Variants in CDK14 observed in about 807,000 individuals in gnomAD.
The protein encoded by CDK14 is cyclin-dependent kinase 14.
CDK14 carries 34 observed loss-of-function variants against 60.7 expected under a neutral mutation model. That is an observed-to-expected ratio of 0.56 (90% CI 0.43 to 0.75). CDK14 has a LOEUF of 0.75. Ranked by LOEUF, CDK14 falls within the 30% of genes least tolerant of loss-of-function variation. The probability of loss-of-function intolerance (pLI) is 0.00; values close to 1 mark genes in which losing one functional copy is unlikely to be tolerated. For synonymous variants in CDK14, 197 were observed against 203.7 expected, an observed-to-expected ratio of 0.97 and a Z score of 0.28; for missense variants, 482 against 564.1, an observed-to-expected ratio of 0.85 and a Z score of 1.47.
chr7:90,733,622 C>T (rs73222521), intron 3 of CDK14, among the ~76,000 whole-genome samples: 11,023 of 151,744 alleles, frequency 0.073, 509 homozygotes, highest in South Asian at 0.11. Flanking sequence ...CCTGTTTTAT[C>T]GAGTGCAACC....
At chr7:91,059,940 G>C (rs1294289355) in intron 11 of CDK14, among the ~76,000 whole-genome samples, 1 of 152,212 alleles carries the variant, frequency 6.6e-6, no homozygotes, top group Non-Finnish European at 1.5e-5. Context: ...GCAGAGCTGA[G>C]TTCAATTCCT....
At chr7:90,675,940 A>T (rs989746279) in intron 2 of CDK14, among the ~76,000 whole-genome samples, 6 of 152,222 alleles carry the variant, frequency 3.9e-5, no homozygotes, top group Admixed American at 3.9e-4. Flanking sequence ...AGAGGAGGGG[A>T]TGGCAAAGAG....
At chr7:90,716,046 C>T (rs1010832461) in intron 2 of CDK14, among the ~76,000 whole-genome samples, 3 of 151,952 alleles carry the variant, frequency 2.0e-5, no homozygotes, top group Admixed American at 6.6e-5. Flanking sequence ...TCCATGATGG[C>T]ATTTTAACCA....
chr7:90,650,915 G>T (rs17867005), intron 2 of CDK14, among the ~76,000 whole-genome samples: 13,977 of 152,112 alleles, frequency 0.092, 814 homozygotes, highest in South Asian at 0.15. Flanking sequence ...TGTTCTTTTG[G>T]CTTAGGATTG....
intron 10 of CDK14, among the ~76,000 whole-genome samples, chr7:91,010,733 T>C (rs1183550941): frequency 6.6e-6 from 1 of 150,534 alleles, no homozygotes; most frequent in Non-Finnish European, 1.5e-5. Context: ...TTCTCCTTCT[T>C]TTCCTTCCTT....
intron 8 of CDK14, among the ~76,000 whole-genome samples, chr7:90,927,065 T>C (rs1004501931): frequency 2.0e-5 from 3 of 152,198 alleles, no homozygotes; most frequent in Non-Finnish European, 4.4e-5. Context: ...AGCACTTCAG[T>C]GTGTCCACAA....
chr7:90,805,068 T>C (rs373300897), intron 5 of CDK14, among the ~76,000 whole-genome samples: 17 of 152,124 alleles, frequency 1.1e-4, no homozygotes, highest in African/African-American at 3.6e-4. Flanking sequence ...AGTAAATGAC[T>C]GTTAGGATTT....
At chr7:90,596,995 C>G (rs1326024864) in intron 1 of CDK14, among the ~76,000 whole-genome samples, 1 of 152,124 alleles carries the variant, frequency 6.6e-6, no homozygotes, top group Non-Finnish European at 1.5e-5. Context: ...CCCTTTCGCG[C>G]GCGTGGGGGA....
intron 7 of CDK14, among the ~76,000 whole-genome samples, chr7:90,909,268 A>C (rs901546645): frequency 6.6e-6 from 1 of 152,134 alleles, no homozygotes; most frequent in Non-Finnish European, 1.5e-5. Flanking sequence ...AGATTATGTT[A>C]TTTGAATTTC....
Position 91,055,525 on chromosome 7 carries a change from T to G in CDK14, c.1105+9565T>G, listed in dbSNP as rs190807004. Among the ~76,000 whole-genome samples the G allele has an allele frequency of 2.0e-3, 307 of 152,342 alleles. 4 individuals are homozygous for G. Among genetic ancestry groups the G allele is most frequent in the South Asian group, 0.016 (75 of 4,830 alleles). ...TCAAGGGAAAATGAAGTTCTACTGA[T>G]AGCAGACTTATTTTTAAAAATCCCA... On this transcript the variant is annotated intron_variant, in intron 11 of 14. Transcript: ENST00000380050.
At chr7:91,112,912 G>A (rs1250316127) in intron 13 of CDK14, among the ~76,000 whole-genome samples, 1 of 151,772 alleles carries the variant, frequency 6.6e-6, no homozygotes, top group Non-Finnish European at 1.5e-5. Flanking sequence ...TATATATTTA[G>A]TGGAATCCTG....
chr7:90,655,432 T>C (rs1414999572), intron 2 of CDK14, among the ~76,000 whole-genome samples: 3 of 152,012 alleles, frequency 2.0e-5, no homozygotes, highest in Admixed American at 6.6e-5. Context: ...TGGAAAAATG[T>C]GATTTCTGAA....
intron 4 of CDK14, among the ~76,000 whole-genome samples, chr7:90,779,582 A>C (rs1475856251): frequency 6.6e-6 from 1 of 152,272 alleles, no homozygotes; most frequent in East Asian, 1.9e-4. Context: ...TGTATTCTTT[A>C]AAAAAGAACT....
chr7:90,961,201 A>T (rs558369263), intron 9 of CDK14, among the ~76,000 whole-genome samples: 1 of 152,278 alleles, frequency 6.6e-6, no homozygotes, highest in South Asian at 2.1e-4. Flanking sequence ...AGCAAAACAT[A>T]TATTTTATAA....
At chr7:91,007,255 G>A (rs1315052779) in intron 10 of CDK14, among the ~76,000 whole-genome samples, 1 of 152,078 alleles carries the variant, frequency 6.6e-6, no homozygotes, top group African/African-American at 2.4e-5. Context: ...TAACATTTTT[G>A]TTCAACCGTG....
In CDK14 at chr7:90,726,688, C is replaced by T. The variant is rs1802643601; in HGVS notation, c.245C>T (p.Pro82Leu). 2 of 1,613,722 alleles carry T rather than the reference C, an allele frequency of 1.2e-6. No individual in the cohort carries two copies. Among genetic ancestry groups the T allele is most frequent in the Non-Finnish European group, 1.7e-6 (2 of 1,179,830 alleles). Reference sequence around the variant, plus strand: ...CAGAGGACACAGAGCACTTTTGACCCATTTGAGAAACCAGCTAATCAAGTA... The same window carrying T: ...CAGAGGACACAGAGCACTTTTGACCTATTTGAGAAACCAGCTAATCAAGTA... ...RVQRTQSTFD[P>L]FEKPANQVKR... The change falls in exon 3 of 15, where the codon CCA becomes CTA. Residue 82 changes from proline (P) to leucine (L), a missense_variant. Transcript: ENST00000380050.
intron 2 of CDK14, among the ~76,000 whole-genome samples, chr7:90,698,222 A>G (rs1801707516): frequency 6.6e-6 from 1 of 152,078 alleles, no homozygotes. Context: ...TTAAAATTAT[A>G]CTGTTCTGGT....
At position 91,046,559 on chromosome 7, in the gene CDK14, T is replaced by C. The variant is rs1000270158; in HGVS notation, c.1105+599T>C. ...AGGTGTCAGGCGTGAAACTTTGTTT[T>C]AATAATTACACTTAACAGATGAATC... On this transcript the variant is annotated intron_variant, in intron 11 of 14. Transcript: ENST00000380050. Among the ~76,000 whole-genome samples, 12 of 152,304 alleles carry C rather than the reference T, an allele frequency of 7.9e-5. 1 individual carries two copies. The South Asian group carries it at 2.3e-3, about 29-fold the overall frequency.
chr7:91,033,514 G>A (rs1796825746), intron 10 of CDK14, among the ~76,000 whole-genome samples: 1 of 152,146 alleles, frequency 6.6e-6, no homozygotes, highest in African/African-American at 2.4e-5. Flanking sequence ...AACCACCTGG[G>A]GTTCTTCATG....
Sources: gnomAD v4.1 joint callset for allele counts (sites outside exome capture counted in the v4.1 genomes callset) on GRCh38, gnomAD v4.1.1 for gene constraint, MANE v1.5 for transcripts, NCBI Gene and HGNC (gene_info 2026-07-23, HGNC 2026-07-21) for gene names.